The following HORMAD2 variants were observed in gnomAD, a reference collection of about 807,000 sequenced individuals.
HORMAD2 encodes the protein HORMA domain-containing protein 2.
A neutral mutation model predicts 38.8 loss-of-function variants in HORMAD2; 45 were observed. That is an observed-to-expected ratio of 1.16 (90% CI 0.91 to 1.49). The LOEUF (loss-of-function observed/expected upper bound fraction) is 1.49. HORMAD2 is among the 40% of genes most tolerant of loss of function. HORMAD2 has a pLI of 0.00. For missense variants in HORMAD2, 338 were observed against 367.0 expected (o/e 0.92, Z 0.65); for synonymous variants, 126 against 122.8 (o/e 1.03, Z -0.17).
At position 30,122,015 on chromosome 22, in the gene HORMAD2, A is replaced by T. The variant is rs778426997; in HGVS notation, c.620A>T (p.His207Leu). ...PLGFKEGVNS[H>L]FLLFDKEPIN... Reference sequence around the variant, plus strand: ...GGTTTTAAAGAAGGGGTAAATTCACACTTCCTGCTGTTTGACAAGGAGCCT... The same window carrying T: ...GGTTTTAAAGAAGGGGTAAATTCACTCTTCCTGCTGTTTGACAAGGAGCCT... The change falls in exon 10 of 11, where the codon CAC (histidine) becomes CTC (leucine). Residue 207 changes from histidine (H) to leucine (L), a missense_variant. Coordinates refer to ENST00000336726, the MANE Select transcript of HORMAD2 (RefSeq NM_152510.4). 2 of 1,613,004 alleles carry T rather than the reference A, an allele frequency of 1.2e-6. No individual in the cohort carries two copies. Among genetic ancestry groups the T allele is most frequent in the Non-Finnish European group, 1.7e-6 (2 of 1,179,442 alleles).
intron 8 of HORMAD2, among the ~76,000 whole-genome samples, chr22:30,119,264 G>C (rs1429419388): frequency 6.6e-6 from 1 of 152,042 alleles, no homozygotes; most frequent in African/African-American, 2.4e-5. Flanking sequence ...CAGCACAAAG[G>C]TAGAAATTAT....
chr22:30,082,607 G>A (rs1311691423), intron 1 of HORMAD2, among the ~76,000 whole-genome samples: 8 of 142,828 alleles, frequency 5.6e-5, no homozygotes, highest in Admixed American at 1.4e-4. Flanking sequence ...CCCTCCACCC[G>A]CCCGCCCAAC....
chr22:30,175,877 T>C (rs1044904741), intron 10 of HORMAD2, among the ~76,000 whole-genome samples, 186 bp from the exon 11 acceptor site: 2 of 152,136 alleles, frequency 1.3e-5, no homozygotes, highest in East Asian at 3.9e-4. Flanking sequence ...CTCCTGAAAC[T>C]TGGAATACCA....
At chr22:30,121,883 T>C (rs994732663) in intron 9 of HORMAD2, 81 bp from the exon 10 acceptor site, 1 of 1,546,554 alleles carries the variant, frequency 6.5e-7, no homozygotes, top group African/African-American at 1.4e-5. Context: ...AAGAGAAGTC[T>C]GTTGCTACAC....
chr22:30,087,452 G>A (rs1004251328), intron 1 of HORMAD2, among the ~76,000 whole-genome samples: 2 of 152,152 alleles, frequency 1.3e-5, no homozygotes, highest in Non-Finnish European at 2.9e-5. Context: ...AACAATGGGA[G>A]TGTATTTGTT....
At chr22:30,155,799 A>G (rs1297019595) in intron 10 of HORMAD2, among the ~76,000 whole-genome samples, 1 of 152,192 alleles carries the variant, frequency 6.6e-6, no homozygotes, top group Non-Finnish European at 1.5e-5. Context: ...TCCATCAGTG[A>G]GAGAACTGGC....
At chr22:30,113,982 A>T (rs1170693518) in intron 7 of HORMAD2, among the ~76,000 whole-genome samples, 1 of 152,166 alleles carries the variant, frequency 6.6e-6, no homozygotes, top group Non-Finnish European at 1.5e-5. Flanking sequence ...AAACCTTCTG[A>T]TAGTTACTAA....
chr22:30,197,949 G>C, the HORMAD2 span, among the ~76,000 whole-genome samples: 1 of 152,044 alleles, frequency 6.6e-6, no homozygotes, highest in African/African-American at 2.4e-5. Flanking sequence ...GGCCAAGGTG[G>C]GTGGATCACT....
intron 10 of HORMAD2, among the ~76,000 whole-genome samples, chr22:30,173,532 G>A (rs1035397991): frequency 1.3e-5 from 2 of 152,188 alleles, no homozygotes; most frequent in Non-Finnish European, 2.9e-5. Flanking sequence ...GGACACCTTG[G>A]GTGAGTGAGA....
the HORMAD2 span, among the ~76,000 whole-genome samples, chr22:30,199,723 G>T: frequency 6.6e-6 from 1 of 150,540 alleles, no homozygotes; most frequent in Non-Finnish European, 1.5e-5. Context: ...CATGAGACAT[G>T]AATTTTTTTC....
At chr22:30,127,625 G>T (rs188167109) in intron 10 of HORMAD2, among the ~76,000 whole-genome samples, 83 of 152,328 alleles carry the variant, frequency 5.4e-4, no homozygotes, top group African/African-American at 1.8e-3. Flanking sequence ...TTATAGGCGT[G>T]AGCCATCACG....
chr22:30,179,242 G>T (rs1054510883), downstream of HORMAD2, among the ~76,000 whole-genome samples: 1 of 152,126 alleles, frequency 6.6e-6, no homozygotes, highest in Non-Finnish European at 1.5e-5. Flanking sequence ...ATAATAAAAT[G>T]AAACTGAACA....
intron 10 of HORMAD2, among the ~76,000 whole-genome samples, chr22:30,153,943 G>A (rs892972597): frequency 1.3e-5 from 2 of 152,096 alleles, no homozygotes; most frequent in Non-Finnish European, 2.9e-5. Context: ...CCTCTCCAGT[G>A]GTCTCCTTGC....
the HORMAD2 span, among the ~76,000 whole-genome samples, chr22:30,186,014 G>T: frequency 6.6e-6 from 1 of 150,994 alleles, no homozygotes; most frequent in Admixed American, 6.6e-5. Context: ...CTTGGGGGGG[G>T]AGGCATATAT....
chr22:30,094,107 A>T, intron 2 of HORMAD2, 104 bp downstream of exon 2: 2 of 791,848 alleles, frequency 2.5e-6, no homozygotes, highest in Non-Finnish European at 4.1e-6. Context: ...CAGTTTTATC[A>T]GTTAATTGGC....
chr22:30,204,206 G>A, the HORMAD2 span, among the ~76,000 whole-genome samples: 1 of 152,152 alleles, frequency 6.6e-6, no homozygotes, highest in Admixed American at 6.5e-5. Context: ...ACAGATGGTA[G>A]CAAAGGCCCA....
chr22:30,148,732 C>T (rs979855619), intron 10 of HORMAD2, among the ~76,000 whole-genome samples: 4 of 152,104 alleles, frequency 2.6e-5, no homozygotes, highest in Middle Eastern at 3.2e-3. Context: ...GCGCCAGGCA[C>T]GGTGGCTCAC....
rs376899418 is a variant in HORMAD2 at position 30,098,852 on chromosome 22, G to A, written c.52G>A (p.Glu18Lys). 341 of 1,606,088 alleles carry A rather than the reference G, an allele frequency of 2.1e-4. No homozygotes were observed. The highest frequency in any genetic ancestry group is 4.8e-4 in the Admixed American group (28 of 58,470). The change falls in exon 3 of 11, where the codon GAA becomes AAA. Residue 18 changes from glutamate (E) to lysine (K), a missense_variant and splice_region_variant. Coordinates refer to ENST00000336726, the MANE Select transcript of HORMAD2 (RefSeq NM_152510.4). The part of the protein sequence containing the change: ...HCITIHKASK[E>K]TVFPSQITNE... The stretch of plus-strand genomic sequence containing the variant: ...TTTTTCACCTCCGTTGTTTTTCCAG[G>A]AAACAGTTTTCCCATCCCAAATCAC...
At chr22:30,153,145 A>G (rs1924860096) in intron 10 of HORMAD2, among the ~76,000 whole-genome samples, 2 of 151,926 alleles carry the variant, frequency 1.3e-5, no homozygotes, top group African/African-American at 4.8e-5. Context: ...CTCCTGCATT[A>G]TCCTCATTTA....
Sources: gnomAD v4.1 joint callset for allele counts (sites outside exome capture counted in the v4.1 genomes callset) on GRCh38, gnomAD v4.1.1 for gene constraint, MANE v1.5 for transcripts, NCBI Gene and HGNC (gene_info 2026-07-23, HGNC 2026-07-21) for gene names.